GALNT5: variants seen among roughly 807,000 people sequenced by gnomAD.
GALNT5 encodes polypeptide N-acetylgalactosaminyltransferase 5.
Under a neutral mutation model 85.4 loss-of-function variants are expected in GALNT5, and 72 were observed. The ratio of observed to expected loss-of-function variants is 0.84; its 90% CI spans 0.70 to 1.03. The LOEUF (loss-of-function observed/expected upper bound fraction) is 1.03. GALNT5 is among the 50% of genes least tolerant of loss of function. The pLI, the probability that GALNT5 is intolerant of heterozygous loss-of-function variation, is 0.00. For missense variants in GALNT5, 1,137 were observed against 1,135.5 expected, an observed-to-expected ratio of 1.00 and a Z score of -0.02; for synonymous variants, 404 against 397.0, an observed-to-expected ratio of 1.02 and a Z score of -0.21.
Position 157,315,154 on chromosome 2 carries a change from T to C in GALNT5, c.*3806T>C, listed in dbSNP as rs1163368671. On this transcript the variant is annotated 3_prime_UTR_variant, in exon 10 of 10. Coordinates refer to ENST00000259056, the MANE Select transcript of GALNT5 (RefSeq NM_014568.3). Reference sequence around the variant, plus strand: ...ATTAAAACAAAAAAATGACATTGGGTGATGGGAAAAAAGAAAGGAACTAAT... The same window carrying C: ...ATTAAAACAAAAAAATGACATTGGGCGATGGGAAAAAAGAAAGGAACTAAT... Among the ~76,000 whole-genome samples, 1 of 151,964 alleles carries C rather than the reference T, an allele frequency of 6.6e-6. No homozygotes were observed. Among genetic ancestry groups the C allele is most frequent in the African/African-American group, 2.4e-5 (1 of 41,370 alleles).
chr2:157,296,858 A>T (rs1683222915), intron 5 of GALNT5, among the ~76,000 whole-genome samples: 1 of 152,262 alleles, frequency 6.6e-6, no homozygotes, highest in Admixed American at 6.5e-5. Context: ...GCAAATTAAA[A>T]GTAAATAATG....
intron 1 of GALNT5, among the ~76,000 whole-genome samples, chr2:157,266,894 T>C (rs1682468805): frequency 6.6e-6 from 1 of 152,206 alleles, no homozygotes. Context: ...TTGCATGACA[T>C]GTACCTCATC....
chr2:157,257,986 T>TCTGCTG lies in GALNT5; in HGVS notation c.-76_-71dup, dbSNP rs138788414. On this transcript the variant is annotated 5_prime_UTR_variant, in exon 1 of 10. Coordinates refer to ENST00000259056, the MANE Select transcript of GALNT5 (RefSeq NM_014568.3). ...GGGGAGGGGGTCACTTTCTGGCAAC[T>TCTGCTG]CTGCTGCTGCTGCTGCTGCTGCTGC... The TCTGCTG allele has an allele frequency of 9.6e-4, 1,268 of 1,316,288 alleles. 1 individual carries two copies. The highest frequency in any genetic ancestry group is 8.0e-3 in the African/African-American group (532 of 66,434). The allele number at this position is 1,316,288 out of a possible 1,614,324, so 81.5% of individuals were successfully genotyped here.
At chr2:157,263,239 A>G (rs2105145239) in intron 1 of GALNT5, among the ~76,000 whole-genome samples, 1 of 148,390 alleles carries the variant, frequency 6.7e-6, no homozygotes, top group Non-Finnish European at 1.5e-5. Flanking sequence ...AGCACCCTGC[A>G]CATGACATTT....
intron 1 of GALNT5, among the ~76,000 whole-genome samples, chr2:157,268,691 G>A (rs1323050402): frequency 2.6e-5 from 4 of 152,150 alleles, no homozygotes; most frequent in Non-Finnish European, 4.4e-5. Context: ...CACCACAGTA[G>A]TATGTCAGCT....
intron 1 of GALNT5, among the ~76,000 whole-genome samples, chr2:157,268,877 T>G (rs989748779): frequency 5.3e-5 from 8 of 152,192 alleles, no homozygotes; most frequent in Admixed American, 6.5e-5. Context: ...TAAATAGGCA[T>G]ATAGAATATA....
In GALNT5 at chr2:157,284,442, A is replaced by C; in HGVS notation, c.1615A>C (p.Thr539Pro). Residue 539 changes from threonine to proline, a missense_variant, in exon 2 of 10, where the codon ACC becomes CCC. Thr to Pro is a conservative substitution (Grantham distance 38). Coordinates refer to ENST00000259056, the MANE Select transcript of GALNT5 (RefSeq NM_014568.3). Reference protein sequence around the residue: ...KEILLVDDFSTKDYLKDNLDK... With the variant: ...KEILLVDDFSPKDYLKDNLDK... The stretch of plus-strand genomic sequence containing the variant: ...GATTCTGCTGGTAGATGACTTCAGC[A>C]CCAAAGGTAAGAAAACCACTCAGGC... 6.2e-7 allele frequency: 1 copy of C among 1,613,656 alleles called. No individual in the cohort carries two copies. The highest frequency in any genetic ancestry group is 1.1e-5 in the South Asian group (1 of 91,004).
intron 8 of GALNT5, among the ~76,000 whole-genome samples, chr2:157,306,914 A>C (rs7585594): frequency 0.82 from 124,128 of 152,090 alleles, 52,007 homozygotes; most frequent in South Asian, 0.92. Context: ...AAAGAAATAA[A>C]TTTCACTTAC....
intron 2 of GALNT5, among the ~76,000 whole-genome samples, chr2:157,285,540 T>C (rs1030644970): frequency 1.3e-5 from 2 of 152,184 alleles, no homozygotes; most frequent in Non-Finnish European, 2.9e-5. Flanking sequence ...GATCCCTCCA[T>C]GGCCATCTAA....
chr2:157,294,645 AAGC>A (rs111868483), intron 3 of GALNT5, among the ~76,000 whole-genome samples: 2 of 152,228 alleles, frequency 1.3e-5, no homozygotes, highest in African/African-American at 4.8e-5. Flanking sequence ...CTGAGTGAGA[AAGC>A]AGGTTTCCCC....
intron 1 of GALNT5, among the ~76,000 whole-genome samples, chr2:157,264,271 T>C (rs1682412397): frequency 6.6e-6 from 1 of 152,156 alleles, no homozygotes; most frequent in Non-Finnish European, 1.5e-5. Flanking sequence ...GTCTGTCTTT[T>C]GGCCTGAAGC....
chr2:157,293,901 T>A (rs770494549), intron 3 of GALNT5, among the ~76,000 whole-genome samples: 8 of 152,228 alleles, frequency 5.3e-5, no homozygotes, highest in Non-Finnish European at 8.8e-5. Flanking sequence ...AGCTACTTAT[T>A]TTCTAATATC....
intron 5 of GALNT5, among the ~76,000 whole-genome samples, chr2:157,297,547 C>A (rs1202199218): frequency 6.6e-6 from 1 of 152,204 alleles, no homozygotes; most frequent in African/African-American, 2.4e-5. Context: ...ACCTAAAGAA[C>A]CTCTGCTCTT....
At chr2:157,301,948 C>A (rs1473410713) in intron 7 of GALNT5, among the ~76,000 whole-genome samples, 1 of 152,104 alleles carries the variant, frequency 6.6e-6, no homozygotes, top group South Asian at 2.1e-4. Flanking sequence ...TGGGGAAAAG[C>A]CATTTCAAAC....
intron 3 of GALNT5, among the ~76,000 whole-genome samples, chr2:157,291,410 C>T (rs973708409): frequency 6.6e-6 from 1 of 152,202 alleles, no homozygotes; most frequent in African/African-American, 2.4e-5. Context: ...TAACTTGTAT[C>T]TGCTGCAGGT....
rs190072046 is a variant in GALNT5, at chr2:157,287,010, C to A, written c.1741+876C>A. On this transcript the variant is annotated intron_variant, in intron 3 of 9. Transcript: ENST00000259056. ...ATTTTTGATTTCCTCTTGTTACCTG[C>A]AGGATAAATGTTTTTGGAGTGAAAA... Among the ~76,000 whole-genome samples the A allele has an allele frequency of 1.9e-3, 289 of 151,156 alleles. 3 individuals carry two copies. Among genetic ancestry groups the A allele is most frequent in the African/African-American group, 6.7e-3 (276 of 41,076 alleles).
intron 9 of GALNT5, among the ~76,000 whole-genome samples, chr2:157,309,535 T>C (rs957138150): frequency 2.0e-5 from 3 of 152,154 alleles, no homozygotes; most frequent in African/African-American, 4.8e-5. Flanking sequence ...CCTTCTTAAA[T>C]TTTCTACAAT....
intron 3 of GALNT5, among the ~76,000 whole-genome samples, chr2:157,288,413 A>AT (rs1396726256): frequency 1.3e-5 from 2 of 152,220 alleles, no homozygotes; most frequent in Non-Finnish European, 2.9e-5. Context: ...TAAAAATAGG[A>AT]TACTCAAGAA....
At chr2:157,307,603 C>G (rs755376237) in intron 8 of GALNT5, among the ~76,000 whole-genome samples, 1 of 152,182 alleles carries the variant, frequency 6.6e-6, no homozygotes, top group Non-Finnish European at 1.5e-5. Context: ...CTCCGCACTT[C>G]TAAGTAGCTC....
Sources: gnomAD v4.1 joint callset for allele counts (sites outside exome capture counted in the v4.1 genomes callset) on GRCh38, gnomAD v4.1.1 for gene constraint, MANE v1.5 for transcripts, NCBI Gene and HGNC (gene_info 2026-07-23, HGNC 2026-07-21) for gene names.